The following DMD variants were observed in gnomAD, a reference collection of about 807,000 sequenced individuals.
DMD encodes mutant dystrophin.
A neutral mutation model predicts 330.1 loss-of-function variants in DMD; 63 were observed. The observed-to-expected ratio is 0.19, with a 90% CI of 0.16 to 0.24. The LOEUF is 0.24. Ranked by LOEUF, DMD falls within the 10% of genes least tolerant of loss-of-function variation. DMD has a pLI of 1.00. For missense variants in DMD, 3,344 were observed against 2,684.1 expected (o/e 1.25, Z -5.43); for synonymous variants, 1,223 against 959.8 (o/e 1.27, Z -5.07).
At chrX:31,754,694 A>G (rs1235395455) in intron 51 of DMD, among the ~76,000 whole-genome samples, 1 of 111,875 alleles carries the variant, frequency 8.9e-6, no homozygotes, top group Non-Finnish European at 1.9e-5. Flanking sequence ...CATTACACAA[A>G]GTTATGGGAA....
At chrX:33,197,267 C>G (rs190329013) in intron 1 of DMD, among the ~76,000 whole-genome samples, 6 of 112,178 alleles carry the variant, frequency 5.3e-5, no homozygotes, top group African/African-American at 1.9e-4. Flanking sequence ...TATAGACTCA[C>G]AGGAAGTCGC....
At chrX:32,565,324 C>A (rs1345312458) in intron 16 of DMD, among the ~76,000 whole-genome samples, 1 of 111,667 alleles carries the variant, frequency 9.0e-6, no homozygotes, top group South Asian at 3.7e-4. Context: ...ACTTTTCTTC[C>A]CTAAGTTTCA....
At chrX:31,869,404 A>T (rs867400269) in intron 48 of DMD, among the ~76,000 whole-genome samples, 2 of 83,141 alleles carry the variant, frequency 2.4e-5, no homozygotes, top group Admixed American at 1.4e-4. Flanking sequence ...AAACGACATG[A>T]TTTTTTTTTT....
intron 44 of DMD, among the ~76,000 whole-genome samples, chrX:32,136,621 C>T (rs982153028): frequency 8.9e-6 from 1 of 112,152 alleles, no homozygotes; most frequent in Non-Finnish European, 1.9e-5. Context: ...GTGACTTGAA[C>T]GTGGCACAGC....
At chrX:33,009,047 T>C (rs1313164295) in intron 2 of DMD, among the ~76,000 whole-genome samples, 2 of 97,090 alleles carry the variant, frequency 2.1e-5, no homozygotes, top group East Asian at 7.0e-4. Context: ...TATATATGTA[T>C]ATGTGTCTAT....
At chrX:32,230,225 G>GT (rs59115983) in intron 43 of DMD, among the ~76,000 whole-genome samples, 3,879 of 109,779 alleles carry the variant, frequency 0.035, 176 homozygotes, top group African/African-American at 0.12. Context: ...AAGAAACATG[G>GT]TTTTTTTTGT....
At chrX:31,279,964 T>A (rs1485501687) in intron 62 of DMD, among the ~76,000 whole-genome samples, 1 of 112,632 alleles carries the variant, frequency 8.9e-6, no homozygotes, top group Non-Finnish European at 1.9e-5. Flanking sequence ...TATGTTGTCC[T>A]TTACAGAAAA....
At chrX:32,888,662 C>T (rs1030212217) in intron 2 of DMD, among the ~76,000 whole-genome samples, 7 of 111,809 alleles carry the variant, frequency 6.3e-5, no homozygotes, top group African/African-American at 2.3e-4. Flanking sequence ...CTACTGGGTA[C>T]ATACCTAAGG....
intron 45 of DMD, among the ~76,000 whole-genome samples, chrX:31,934,429 A>C (rs1239228942): frequency 8.9e-6 from 1 of 112,264 alleles, no homozygotes; most frequent in East Asian, 2.8e-4. Context: ...AAATTCATTT[A>C]TACATTTATT....
rs749665107 is a variant in DMD at position 32,933,692 on chromosome X, A to G, written c.94-83872T>C. On this transcript the variant is annotated intron_variant, in intron 2 of 78. Transcript: ENST00000357033. ...AGGAAAAGTGTCCCAAGATGAAATG[A>G]CTGCTGTTGAATGGGAAACCATCAG... Among the ~76,000 whole-genome samples, 10 of 112,130 alleles carry G rather than the reference A, an allele frequency of 8.9e-5. No homozygotes were observed. In the East Asian group the frequency reaches 2.8e-3, roughly 31 times the overall value.
intron 55 of DMD, among the ~76,000 whole-genome samples, chrX:31,561,680 A>G (rs998597623): frequency 2.7e-5 from 3 of 112,457 alleles, no homozygotes; most frequent in African/African-American, 9.7e-5. Context: ...TCATTTATTG[A>G]ATGGCCACAT....
intron 17 of DMD, among the ~76,000 whole-genome samples, chrX:32,521,282 G>A (rs1306550636): frequency 8.9e-6 from 1 of 111,898 alleles, no homozygotes; most frequent in African/African-American, 3.3e-5. Flanking sequence ...GAATTCCCCT[G>A]CCTCAGCCTC....
chrX:32,284,730 G>A (rs2097433198), intron 43 of DMD, among the ~76,000 whole-genome samples: 1 of 111,899 alleles, frequency 8.9e-6, no homozygotes, highest in African/African-American at 3.2e-5. Context: ...ATTCCAAAAC[G>A]GGTTGGAACT....
chrX:31,434,405 C>T (rs1339663879), intron 60 of DMD, among the ~76,000 whole-genome samples: 3 of 91,087 alleles, frequency 3.3e-5, no homozygotes, highest in Non-Finnish European at 6.4e-5. Context: ...CTCACCCTTA[C>T]TGCAGCGCGC....
At chrX:32,840,763 T>G (rs947320855) in intron 4 of DMD, among the ~76,000 whole-genome samples, 3 of 112,373 alleles carry the variant, frequency 2.7e-5, no homozygotes, top group Non-Finnish European at 5.6e-5. Context: ...TAGCTATCAT[T>G]TGGTCATTTT....
intron 4 of DMD, among the ~76,000 whole-genome samples, chrX:32,834,240 A>G (rs965699018): frequency 9.0e-6 from 1 of 111,292 alleles, no homozygotes. Context: ...TTACAGGCCT[A>G]TTGTGTGGAC....
chrX:32,199,763 G>A (rs1232634650), intron 44 of DMD, among the ~76,000 whole-genome samples: 23 of 103,944 alleles, frequency 2.2e-4, no homozygotes, highest in Admixed American at 8.6e-4. Flanking sequence ...ATCAGCAAGC[G>A]CCACCACGCA....
intron 60 of DMD, among the ~76,000 whole-genome samples, chrX:31,422,458 C>T (rs899346507): frequency 3.6e-5 from 4 of 111,723 alleles, no homozygotes; most frequent in Admixed American, 9.6e-5. Flanking sequence ...ACTGCAGCAA[C>T]ACATGGAGAA....
At chrX:32,025,479 CA>C (rs1177686810) in intron 44 of DMD, among the ~76,000 whole-genome samples, 1 of 111,442 alleles carries the variant, frequency 9.0e-6, no homozygotes, top group African/African-American at 3.3e-5. Flanking sequence ...AGCACAGAGA[CA>C]GAACATTTTT....
Sources: gnomAD v4.1 joint callset for allele counts (sites outside exome capture counted in the v4.1 genomes callset) on GRCh38, gnomAD v4.1.1 for gene constraint, MANE v1.5 for transcripts, NCBI Gene and HGNC (gene_info 2026-07-23, HGNC 2026-07-21) for gene names.